The following ZNF385D variants were observed in gnomAD, a reference collection of about 807,000 sequenced individuals.
ZNF385D encodes the protein zinc finger protein 385D, also known as zinc finger protein 659.
In ZNF385D, 15 loss-of-function variants were observed where a neutral mutation model predicts 35.8. That is an observed-to-expected ratio of 0.42 (90% confidence interval 0.28 to 0.64). The LOEUF is 0.64. Ranked by LOEUF, ZNF385D falls within the 30% of genes least tolerant of loss-of-function variation. The pLI is 0.23. For missense variants in ZNF385D, 474 were observed against 494.6 expected (o/e 0.96, Z 0.39); for synonymous variants, 212 against 186.8 (o/e 1.13, Z -1.10).
chr3:22,153,105 A>G (rs76152377), intron 3 of ZNF385D, among the ~76,000 whole-genome samples: 2,790 of 152,232 alleles, frequency 0.018, 34 homozygotes, highest in Non-Finnish European at 0.027. Context: ...ACCATTTTCT[A>G]CATGGTTATT....
chr3:21,894,437 ACTTT>A (rs1285497594), intron 3 of ZNF385D, among the ~76,000 whole-genome samples: 2 of 152,208 alleles, frequency 1.3e-5, no homozygotes, highest in African/African-American at 2.4e-5. Context: ...TGAGTTTTAA[ACTTT>A]CTAATTCTTT....
intron 4 of ZNF385D, among the ~76,000 whole-genome samples, chr3:21,480,213 C>T (rs7623045): frequency 0.47 from 71,088 of 150,978 alleles, 17,232 homozygotes; most frequent in East Asian, 0.83. Context: ...AGCAATTCTC[C>T]TGCCTCAGCC....
chr3:22,240,801 C>G (rs1699452728), intron 2 of ZNF385D, among the ~76,000 whole-genome samples: 1 of 151,052 alleles, frequency 6.6e-6, no homozygotes, highest in Admixed American at 6.6e-5. Context: ...CTTCAATAAA[C>G]AGCTAGCACA....
chr3:21,832,823 ACT>A (rs541159601), intron 3 of ZNF385D, among the ~76,000 whole-genome samples: 28 of 151,984 alleles, frequency 1.8e-4, no homozygotes, highest in East Asian at 1.4e-3. Context: ...TATGAGCTCT[ACT>A]CTTTTTCATA....
intron 3 of ZNF385D, among the ~76,000 whole-genome samples, chr3:21,533,045 C>T (rs1408949124): frequency 6.6e-6 from 1 of 152,060 alleles, no homozygotes; most frequent in African/African-American, 2.4e-5. Context: ...ATAATCACTG[C>T]CATAAATTGA....
chr3:21,879,213 G>A (rs1698141664), intron 3 of ZNF385D, among the ~76,000 whole-genome samples: 3 of 151,924 alleles, frequency 2.0e-5, no homozygotes, highest in Admixed American at 2.0e-4. Flanking sequence ...TGTTTGTCAT[G>A]TTCTTTAAGT....
intron 3 of ZNF385D, among the ~76,000 whole-genome samples, chr3:21,989,754 G>A (rs565831037): frequency 1.3e-3 from 190 of 151,884 alleles, no homozygotes; most frequent in Middle Eastern, 3.4e-3. Flanking sequence ...TCATCTAAGC[G>A]CATTAAAATG....
At chr3:22,349,572 C>T (rs148744676) in intron 2 of ZNF385D, among the ~76,000 whole-genome samples, 2,616 of 152,268 alleles carry the variant, frequency 0.017, 39 homozygotes, top group Non-Finnish European at 0.023. Context: ...CTTTGTAAAA[C>T]ATCTTTTATA....
intron 2 of ZNF385D, among the ~76,000 whole-genome samples, chr3:22,335,928 G>T (rs762009858): frequency 6.6e-6 from 1 of 152,088 alleles, no homozygotes; most frequent in African/African-American, 2.4e-5. Context: ...AGCTTTAGGA[G>T]AATTTATATT....
intron 1 of ZNF385D, among the ~76,000 whole-genome samples, chr3:21,745,911 A>G (rs372447165): frequency 2.0e-4 from 30 of 152,226 alleles, no homozygotes; most frequent in East Asian, 1.3e-3. Context: ...CTGTGCTTAA[A>G]AAGTACTTTA....
At chr3:21,685,879 G>C (rs1307008720) in intron 1 of ZNF385D, among the ~76,000 whole-genome samples, 1 of 152,170 alleles carries the variant, frequency 6.6e-6, no homozygotes, top group Non-Finnish European at 1.5e-5. Flanking sequence ...ATGAAAGCAA[G>C]ACAGGTGAAT....
chr3:21,606,778 A>G (rs2064497405), intron 2 of ZNF385D, among the ~76,000 whole-genome samples: 1 of 152,176 alleles, frequency 6.6e-6, no homozygotes, highest in Admixed American at 6.5e-5. Flanking sequence ...CAGCCCTGCC[A>G]TCTCTCTCTG....
chr3:22,036,452 C>G (rs1698323589), intron 3 of ZNF385D, among the ~76,000 whole-genome samples: 1 of 151,780 alleles, frequency 6.6e-6, no homozygotes, highest in African/African-American at 2.4e-5. Context: ...GAAAACTGAC[C>G]TATCGAGAAA....
intron 3 of ZNF385D, among the ~76,000 whole-genome samples, chr3:22,161,279 T>C (rs985654018): frequency 6.6e-6 from 1 of 152,118 alleles, no homozygotes; most frequent in Admixed American, 6.6e-5. Context: ...ATATTTCTTA[T>C]TCATACTTGC....
chr3:22,372,029 C>T (rs1430603879), intron 2 of ZNF385D, among the ~76,000 whole-genome samples: 2 of 152,158 alleles, frequency 1.3e-5, no homozygotes, highest in African/African-American at 4.8e-5. Context: ...GGAGGGAGCA[C>T]GCCTCGCACA....
At chr3:21,485,884 A>T (rs1403763010) in intron 4 of ZNF385D, among the ~76,000 whole-genome samples, 1 of 151,218 alleles carries the variant, frequency 6.6e-6, no homozygotes, top group Non-Finnish European at 1.5e-5. Context: ...CCAAAAAAAA[A>T]CCCTTTATCT....
At chr3:21,455,828 G>A (rs540274774) in intron 4 of ZNF385D, among the ~76,000 whole-genome samples, 3 of 152,148 alleles carry the variant, frequency 2.0e-5, no homozygotes, top group Admixed American at 6.5e-5. Context: ...AAAAATTTTC[G>A]CAATCTACTC....
chr3:21,685,284 A>C (rs1369963310), intron 1 of ZNF385D, among the ~76,000 whole-genome samples: 1 of 152,184 alleles, frequency 6.6e-6, no homozygotes, highest in African/African-American at 2.4e-5. Context: ...GCTACTGGCT[A>C]TTTGGAAACA....
At chr3:22,236,880 T>G (rs1253242165) in intron 2 of ZNF385D, among the ~76,000 whole-genome samples, 1 of 152,202 alleles carries the variant, frequency 6.6e-6, no homozygotes, top group Non-Finnish European at 1.5e-5. Flanking sequence ...TGATTTATGG[T>G]TGAATAATAT....
Sources: allele counts gnomAD v4.1 joint callset (sites outside exome capture counted in the v4.1 genomes callset), GRCh38; gene constraint gnomAD v4.1.1; transcripts MANE v1.5; gene names NCBI Gene and HGNC (gene_info 2026-07-23, HGNC 2026-07-21).